The following SHANK2 variants were observed in gnomAD, a reference collection of about 807,000 sequenced individuals.
The protein encoded by SHANK2 is SH3 and multiple ankyrin repeat domains protein 2.
A neutral mutation model predicts 133.7 loss-of-function variants in SHANK2; 43 were observed. The observed-to-expected ratio is 0.32, with a 90% CI of 0.25 to 0.41. The LOEUF is 0.41. SHANK2 is among the 10% of genes least tolerant of loss of function. The pLI, the probability that SHANK2 is intolerant of heterozygous loss-of-function variation, is 1.00. For missense variants in SHANK2, 1,994 were observed against 2,235.8 expected (o/e 0.89, Z 2.18); for synonymous variants, 1,017 against 952.8 (o/e 1.07, Z -1.24).
At chr11:70,631,404 A>ACACCCC (rs1427488425) in intron 17 of SHANK2, among the ~76,000 whole-genome samples, 1 of 149,280 alleles carries the variant, frequency 6.7e-6, no homozygotes, top group African/African-American at 2.5e-5. Context: ...ACACACACAC[A>ACACCCC]CACACCCACA....
At chr11:70,729,407 G>T (rs927329034) in intron 14 of SHANK2, among the ~76,000 whole-genome samples, 4 of 152,128 alleles carry the variant, frequency 2.6e-5, no homozygotes, top group African/African-American at 9.7e-5. Flanking sequence ...GGAAGTAACT[G>T]CTTCATGGGC....
intron 2 of SHANK2, among the ~76,000 whole-genome samples, chr11:71,196,388 C>T (rs1189283622): frequency 1.3e-5 from 2 of 151,986 alleles, no homozygotes; most frequent in African/African-American, 4.8e-5. Flanking sequence ...TGGGCTCAAG[C>T]AATTCTCCCG....
chr11:70,748,960 C>T (rs1306509775), intron 14 of SHANK2, among the ~76,000 whole-genome samples: 1 of 151,986 alleles, frequency 6.6e-6, no homozygotes, highest in Non-Finnish European at 1.5e-5. Flanking sequence ...AATCAGAACA[C>T]TACACAACAG....
intron 8 of SHANK2, among the ~76,000 whole-genome samples, chr11:71,087,006 C>T (rs1256635478): frequency 2.6e-5 from 4 of 152,220 alleles, no homozygotes; most frequent in Admixed American, 2.6e-4. Context: ...GCTGGCTTTC[C>T]AAACCCTGCT....
intron 15 of SHANK2, among the ~76,000 whole-genome samples, chr11:70,664,275 G>T (rs1944638247): frequency 6.6e-6 from 1 of 152,170 alleles, no homozygotes; most frequent in African/African-American, 2.4e-5. Flanking sequence ...ACTCCTGAAA[G>T]GGGAGTCAGC....
chr11:71,158,121 G>A (rs1289057048), intron 2 of SHANK2, among the ~76,000 whole-genome samples: 10 of 152,064 alleles, frequency 6.6e-5, no homozygotes, highest in African/African-American at 1.9e-4. Context: ...ATAAGTAAGC[G>A]AACAGATAAC....
At chr11:70,766,204 C>T (rs1947120483) in intron 14 of SHANK2, among the ~76,000 whole-genome samples, 1 of 152,236 alleles carries the variant, frequency 6.6e-6, no homozygotes, top group East Asian at 1.9e-4. Flanking sequence ...CCACCTTGAA[C>T]TGCGAGGCAG....
intron 11 of SHANK2, among the ~76,000 whole-genome samples, chr11:70,887,601 G>A (rs1555073786): frequency 6.6e-6 from 1 of 152,130 alleles, no homozygotes; most frequent in African/African-American, 2.4e-5. Context: ...TAAGGGCACT[G>A]ATTTCCTGGC....
At chr11:71,081,264 G>C (rs1951297263) in intron 8 of SHANK2, among the ~76,000 whole-genome samples, 1 of 152,192 alleles carries the variant, frequency 6.6e-6, no homozygotes, top group Non-Finnish European at 1.5e-5. Flanking sequence ...CTCCAGAACT[G>C]TGAGATAATG....
At chr11:70,897,702 G>C (rs1949956638) in intron 10 of SHANK2, among the ~76,000 whole-genome samples, 1 of 152,162 alleles carries the variant, frequency 6.6e-6, no homozygotes, top group South Asian at 2.1e-4. Flanking sequence ...AGGTGATCTG[G>C]TAAGGTAGGG....
chr11:70,614,684 C>A lies in SHANK2; in HGVS notation c.2061+45144G>T, dbSNP rs114524982. On this transcript the variant is annotated intron_variant, in intron 17 of 25. Transcript: ENST00000601538. ...TTCCAGGCCCTTCCTTCATCCCATC[C>A]TCCAGTCTTTGTCTCAGTGACCAAA... 9.8e-4 allele frequency among the ~76,000 whole-genome samples: 149 copies of A among 152,342 alleles called. 2 individuals carry two copies. Among genetic ancestry groups the A allele is most frequent in the African/African-American group, 3.6e-3 (148 of 41,584 alleles).
At chr11:70,821,531 T>G (rs535451401) in intron 11 of SHANK2, among the ~76,000 whole-genome samples, 2 of 152,224 alleles carry the variant, frequency 1.3e-5, no homozygotes, top group East Asian at 3.9e-4. Flanking sequence ...GCTCAAACAA[T>G]TCTCCTGCCT....
In SHANK2 at chr11:70,826,204, C is replaced by T. The variant is rs141763171; in HGVS notation, c.1175-5522G>A. ...AACACACTCCGTGGCACGGTCCCCA[C>T]GGATGGCCATTCCGGAATGGAGTTC... is the stretch of plus-strand genomic sequence containing the variant. On this transcript the variant is annotated intron_variant, in intron 11 of 25. Coordinates refer to ENST00000601538, the MANE Select transcript of SHANK2 (RefSeq NM_012309.5). Among the ~76,000 whole-genome samples the T allele has an allele frequency of 1.1e-3, 164 of 152,296 alleles. 3 individuals carry two copies. The East Asian group carries it at 0.03, about 28-fold the overall frequency.
At chr11:70,493,286 G>C (rs782043308) in intron 21 of SHANK2, among the ~76,000 whole-genome samples, 22 of 149,068 alleles carry the variant, frequency 1.5e-4, no homozygotes, top group Middle Eastern at 3.5e-3. Context: ...TCAGAGGCCA[G>C]GGTGCTCGTG....
At chr11:70,560,483 GTTTTTTTTTTTT>G (rs61143133) in intron 17 of SHANK2, among the ~76,000 whole-genome samples, 2 of 96,006 alleles carry the variant, frequency 2.1e-5, no homozygotes, top group Non-Finnish European at 4.0e-5. Context: ...CCCCAGTAGG[GTTTTTTTTTTTT>G]TTTTTTTTTT....
At chr11:71,088,567 C>T (rs993539790) in intron 8 of SHANK2, among the ~76,000 whole-genome samples, 5 of 151,826 alleles carry the variant, frequency 3.3e-5, no homozygotes, top group East Asian at 1.9e-4. Flanking sequence ...CCCTGGGGGC[C>T]GGCAGCTGTT....
intron 8 of SHANK2, among the ~76,000 whole-genome samples, chr11:71,082,600 G>A (rs1452125467): frequency 2.6e-5 from 4 of 152,140 alleles, no homozygotes; most frequent in Admixed American, 6.5e-5. Flanking sequence ...GACCCAGAAC[G>A]ACATAACGTG....
chr11:70,801,608 AC>A, intron 13 of SHANK2, among the ~76,000 whole-genome samples: 1 of 152,192 alleles, frequency 6.6e-6, no homozygotes, highest in South Asian at 2.1e-4. Context: ...AAGACTCCAC[AC>A]CCTGGGTAAG....
intron 17 of SHANK2, among the ~76,000 whole-genome samples, chr11:70,507,338 C>G (rs188582841): frequency 1.3e-5 from 2 of 152,336 alleles, no homozygotes; most frequent in East Asian, 3.9e-4. Flanking sequence ...TTGCTGGTCT[C>G]AAAATCAGCC....
Sources: gnomAD v4.1 joint callset for allele counts (sites outside exome capture counted in the v4.1 genomes callset) on GRCh38, gnomAD v4.1.1 for gene constraint, MANE v1.5 for transcripts, NCBI Gene and HGNC (gene_info 2026-07-23, HGNC 2026-07-21) for gene names.